The following CAV1 variants were observed in gnomAD, a reference collection of about 807,000 sequenced individuals.
The protein encoded by CAV1 is caveolin-1.
In CAV1, 10 loss-of-function variants were observed where a neutral mutation model predicts 16.5. The ratio of observed to expected loss-of-function variants is 0.61; its 90% CI spans 0.37 to 1.03. CAV1 has a LOEUF of 1.03. CAV1 is among the 50% of genes least tolerant of loss of function. The pLI, the probability that CAV1 is intolerant of heterozygous loss-of-function variation, is 0.01. For missense variants in CAV1, 212 were observed against 232.8 expected, an observed-to-expected ratio of 0.91 and a Z score of 0.58; for synonymous variants, 76 against 85.1, an observed-to-expected ratio of 0.89 and a Z score of 0.59.
chr7:116,527,347 T>C (rs750761351), intron 2 of CAV1, among the ~76,000 whole-genome samples: 3 of 152,242 alleles, frequency 2.0e-5, no homozygotes, highest in Non-Finnish European at 2.9e-5. Flanking sequence ...TGGTTTCTTC[T>C]ATCTATGGAC....
chr7:116,544,103 C>A (rs867032955), intron 2 of CAV1, among the ~76,000 whole-genome samples: 21 of 152,286 alleles, frequency 1.4e-4, no homozygotes, highest in Middle Eastern at 3.4e-3. Context: ...TCTCCACGGG[C>A]AGAGCTATGC....
At chr7:116,543,987 G>A (rs1793989769) in intron 2 of CAV1, among the ~76,000 whole-genome samples, 1 of 152,102 alleles carries the variant, frequency 6.6e-6, no homozygotes, top group African/African-American at 2.4e-5. Flanking sequence ...TTAGGCCCCT[G>A]CATGATTTTA....
At chr7:116,555,482 A>AAGGAAGGAAGGAAGGAAGGAAGGAG (rs1794246170) in intron 2 of CAV1, among the ~76,000 whole-genome samples, 1 of 19,676 alleles carries the variant, frequency 5.1e-5, no homozygotes, top group Non-Finnish European at 1.0e-4. Context: ...GAAGGAGGAA[A>AAGGAAGGAAGGAAGGAAGGAAGGAG]GAAAAGAAAG....
chr7:116,535,078 A>G (rs902414187), intron 2 of CAV1, among the ~76,000 whole-genome samples: 3 of 152,174 alleles, frequency 2.0e-5, no homozygotes, highest in South Asian at 4.1e-4. Context: ...TGGGGTGACC[A>G]TATATTCTAG....
chr7:116,552,934 G>A (rs973053524), intron 2 of CAV1, among the ~76,000 whole-genome samples: 1 of 152,144 alleles, frequency 6.6e-6, no homozygotes, highest in African/African-American at 2.4e-5. Flanking sequence ...GCAGAGAAGT[G>A]GGACTGTAAA....
intron 2 of CAV1, among the ~76,000 whole-genome samples, 168 bp from the exon 3 acceptor site, chr7:116,558,778 G>T (rs1203327223): frequency 1.3e-5 from 2 of 151,956 alleles, no homozygotes; most frequent in Non-Finnish European, 2.9e-5. Flanking sequence ...AAAAAAATCT[G>T]TGTTCCCAAG....
chr7:116,555,770 C>A (rs905570373), intron 2 of CAV1, among the ~76,000 whole-genome samples: 1 of 151,806 alleles, frequency 6.6e-6, no homozygotes, highest in Non-Finnish European at 1.5e-5. Context: ...ATGCTCTGCA[C>A]CCAAGCTAAG....
At chr7:116,533,878 T>C (rs1321242675) in intron 2 of CAV1, among the ~76,000 whole-genome samples, 1 of 152,204 alleles carries the variant, frequency 6.6e-6, no homozygotes, top group Non-Finnish European at 1.5e-5. Context: ...TCATAAAAAA[T>C]TGTAATTAAA....
chr7:116,540,711 C>A (rs1405381091), intron 2 of CAV1, among the ~76,000 whole-genome samples: 1 of 152,094 alleles, frequency 6.6e-6, no homozygotes, highest in Non-Finnish European at 1.5e-5. Context: ...AGACAAATTA[C>A]AATAGCCCAT....
Position 116,555,604 on chromosome 7 carries a change from GAGAA to G in CAV1, c.196-3329_196-3326del, listed in dbSNP as rs1554357960. Among the ~76,000 whole-genome samples, 37 of 73,458 alleles carry G rather than the reference GAGAA, an allele frequency of 5.0e-4. 1 individual carries two copies. The highest frequency in any genetic ancestry group is 7.8e-3 in the Middle Eastern group (1 of 128). 48.2% of individuals were successfully genotyped at this position (73,458 alleles called of 152,430 possible). Reference sequence around the variant, plus strand: ...AGAAAGAAAGAAAGAAAGAAAGAAAGAGAAAGAAAGAAAGAAGGGAGGGAGGGAG... The same window carrying G: ...AGAAAGAAAGAAAGAAAGAAAGAAAGAGAAAGAAAGAAGGGAGGGAGGGAG... On this transcript the variant is annotated intron_variant, in intron 2 of 2. Coordinates refer to ENST00000341049, the MANE Select transcript of CAV1 (RefSeq NM_001753.5).
At chr7:116,531,571 C>A (rs1032896143) in intron 2 of CAV1, among the ~76,000 whole-genome samples, 3 of 152,080 alleles carry the variant, frequency 2.0e-5, no homozygotes, top group Non-Finnish European at 4.4e-5. Context: ...TACATCTAAT[C>A]AAAGCATAAG....
chr7:116,551,450 A>T (rs138157698), intron 2 of CAV1, among the ~76,000 whole-genome samples: 2 of 152,336 alleles, frequency 1.3e-5, no homozygotes, highest in East Asian at 3.9e-4. Flanking sequence ...AAAGTTGTAA[A>T]TGCTATATTT....
intron 2 of CAV1, among the ~76,000 whole-genome samples, chr7:116,555,545 A>G (rs1426068258): frequency 3.4e-4 from 15 of 44,618 alleles, no homozygotes; most frequent in Admixed American, 9.3e-4. Context: ...AGAGAGAGAG[A>G]AAGAAAGAAA....
intron 2 of CAV1, chr7:116,527,034 T>G: frequency 2.7e-6 from 1 of 365,072 alleles, no homozygotes; most frequent in Non-Finnish European, 5.3e-6. Flanking sequence ...AGATGGTTCC[T>G]ATCCATTCCC....
chr7:116,525,082 T>G lies in CAV1; in HGVS notation c.20T>G (p.Val7Gly). 1 of 1,614,178 alleles carries G rather than the reference T, an allele frequency of 6.2e-7. No individual in the cohort carries two copies. The highest frequency in any genetic ancestry group is 8.5e-7 in the Non-Finnish European group (1 of 1,180,032). The change falls in exon 1 of 3, where the codon GTA (valine) becomes GGA (glycine). Residue 7 changes from valine to glycine, a missense_variant. Coordinates refer to ENST00000341049, the MANE Select transcript of CAV1 (RefSeq NM_001753.5). MSGGKYVDSEGHLYTVP... is the reference protein window; with the variant it reads MSGGKYGDSEGHLYTVP... ...GCCAGCATGTCTGGGGGCAAATACGTAGACTCGGAGGTAGGCATCCGTGGG... is the reference window on the plus strand; with the variant it reads ...GCCAGCATGTCTGGGGGCAAATACGGAGACTCGGAGGTAGGCATCCGTGGG...
At chr7:116,544,848 G>A (rs1363356849) in intron 2 of CAV1, among the ~76,000 whole-genome samples, 4 of 152,214 alleles carry the variant, frequency 2.6e-5, no homozygotes, top group African/African-American at 9.6e-5. Flanking sequence ...ATTCCTGAGT[G>A]AGCCTGAGAA....
chr7:116,526,874 C>T, intron 2 of CAV1, 185 bp downstream of exon 2: 1 of 661,028 alleles, frequency 1.5e-6, no homozygotes, highest in South Asian at 1.7e-5. Context: ...AGAAACGTTA[C>T]ATCTCCCTTC....
At position 116,561,163 on chromosome 7, in the gene CAV1, A is replaced by C. The variant is rs1312336101; in HGVS notation, c.*1876A>C. ...AAAGGTTACAAGCCTGCACAATAAA[A>C]ATGTTTAACGGTTAAACAGTCAGCT... On this transcript the variant is annotated 3_prime_UTR_variant, in exon 3 of 3. Coordinates refer to ENST00000341049, the MANE Select transcript of CAV1 (RefSeq NM_001753.5). The C allele has an allele frequency of 6.6e-6, 1 of 152,478 alleles. No homozygotes were observed. Among genetic ancestry groups the C allele is most frequent in the African/African-American group, 2.4e-5 (1 of 41,454 alleles). The allele number at this position is 152,478 out of a possible 1,614,324, so 9.4% of individuals were successfully genotyped here. A position where few individuals can be genotyped will look rare whatever the true frequency, so the allele number is the denominator to read the frequency against.
At chr7:116,527,670 G>T (rs1006229938) in intron 2 of CAV1, among the ~76,000 whole-genome samples, 1 of 152,132 alleles carries the variant, frequency 6.6e-6, no homozygotes, top group African/African-American at 2.4e-5. Context: ...GAAATGGAGG[G>T]CTAAGGAAAA....
Sources: gnomAD v4.1 joint callset for allele counts (sites outside exome capture counted in the v4.1 genomes callset) on GRCh38, gnomAD v4.1.1 for gene constraint, MANE v1.5 for transcripts, NCBI Gene and HGNC (gene_info 2026-07-23, HGNC 2026-07-21) for gene names.